The following CCDC77 variants were observed in gnomAD, a reference collection of about 807,000 sequenced individuals.
The protein encoded by CCDC77 is coiled-coil domain containing 77.
In CCDC77, 56 loss-of-function variants were observed where a neutral mutation model predicts 66.8. That is an observed-to-expected ratio of 0.84 (90% CI 0.68 to 1.05). The LOEUF is 1.05. CCDC77 is among the 50% of genes least tolerant of loss of function. The probability of loss-of-function intolerance (pLI) is 0.00; values close to 1 mark genes in which losing one functional copy is unlikely to be tolerated. For synonymous variants in CCDC77, 196 were observed against 195.2 expected, an observed-to-expected ratio of 1.00 and a Z score of -0.03; for missense variants, 570 against 576.8, an observed-to-expected ratio of 0.99 and a Z score of 0.12.
intron 5 of CCDC77, among the ~76,000 whole-genome samples, chr12:423,513 T>TTTTA (rs1945473924): frequency 8.4e-6 from 1 of 119,378 alleles, no homozygotes. Context: ...TTTTTTTTTT[T>TTTTA]GAGACAGGGT....
At chr12:425,698 CAT>C (rs560278198) in intron 5 of CCDC77, among the ~76,000 whole-genome samples, 227 of 152,260 alleles carry the variant, frequency 1.5e-3, no homozygotes, top group African/African-American at 5.2e-3. Flanking sequence ...AAACTTCACT[CAT>C]GTGCTTCGTA....
intron 6 of CCDC77, among the ~76,000 whole-genome samples, chr12:430,180 A>G (rs940409542): frequency 3.3e-5 from 5 of 149,746 alleles, no homozygotes; most frequent in African/African-American, 1.2e-4. Flanking sequence ...TTTTATAGAG[A>G]TGGGGTTTCT....
rs77158484 is a variant in CCDC77 at position 442,073 on chromosome 12, G to A, written c.*153G>A. 1 of 798,524 alleles carries A rather than the reference G, an allele frequency of 1.3e-6. No individual in the cohort carries two copies. The highest frequency in any genetic ancestry group is 1.8e-5 in the South Asian group (1 of 55,690). The allele number at this position is 798,524 out of a possible 1,614,324, so 49.5% of individuals were successfully genotyped here. On this transcript the variant is annotated 3_prime_UTR_variant, in exon 13 of 13. Transcript: ENST00000239830. Reference sequence around the variant, plus strand: ...CAGCTTGAAGAATCGGGGACCACTAGGAAAGCTTTTCTTGCATACTCAGCT... The same window carrying A: ...CAGCTTGAAGAATCGGGGACCACTAAGAAAGCTTTTCTTGCATACTCAGCT...
chr12:399,657 G>A (rs762605951), upstream of CCDC77, among the ~76,000 whole-genome samples: 23 of 152,102 alleles, frequency 1.5e-4, no homozygotes, highest in Non-Finnish European at 2.8e-4. Flanking sequence ...TTTTTTTCCT[G>A]AGCAGTAGGA....
chr12:405,664 G>A (rs978000196), intron 2 of CCDC77, 100 bp downstream of exon 2: 2 of 152,078 alleles, frequency 1.3e-5, no homozygotes, highest in African/African-American at 4.8e-5. Flanking sequence ...TGGGATGAGA[G>A]AAGCAGAAAC....
intron 3 of CCDC77, 144 bp downstream of exon 3, chr12:409,565 G>A (rs1406148531): frequency 2.8e-6 from 2 of 710,492 alleles, no homozygotes; most frequent in East Asian, 5.4e-5. Context: ...TGCCCAGGAT[G>A]GGGTGCAGTG....
chr12:412,083 A>C, intron 4 of CCDC77, 105 bp downstream of exon 4: 1 of 849,998 alleles, frequency 1.2e-6, no homozygotes, highest in Non-Finnish European at 1.8e-6. Context: ...TTATAAAAAT[A>C]CTCCTTTTTT....
At chr12:432,367 G>A (rs1033963942) in intron 8 of CCDC77, among the ~76,000 whole-genome samples, 5 of 152,084 alleles carry the variant, frequency 3.3e-5, no homozygotes, top group Non-Finnish European at 7.4e-5. Flanking sequence ...TCCTGGTTAT[G>A]TGTCATTTGG....
intron 4 of CCDC77, among the ~76,000 whole-genome samples, chr12:417,712 C>A (rs1945314024): frequency 6.6e-6 from 1 of 151,900 alleles, no homozygotes; most frequent in Non-Finnish European, 1.5e-5. Flanking sequence ...CTCAGGAGTT[C>A]AAGCCAGCCT....
chr12:391,945 C>T (rs1565558698), intron 1 of CCDC77, among the ~76,000 whole-genome samples: 1 of 152,176 alleles, frequency 6.6e-6, no homozygotes, highest in Non-Finnish European at 1.5e-5. Flanking sequence ...ATGCTTCCCT[C>T]AGGGGGGGCA....
chr12:434,896 T>A (rs1031620566), intron 9 of CCDC77, among the ~76,000 whole-genome samples: 1 of 152,248 alleles, frequency 6.6e-6, no homozygotes, highest in Non-Finnish European at 1.5e-5. Context: ...ATGTCAGATT[T>A]ACCATTACTG....
intron 4 of CCDC77, among the ~76,000 whole-genome samples, chr12:413,362 G>A (rs1339506095): frequency 4.6e-5 from 7 of 150,672 alleles, no homozygotes; most frequent in African/African-American, 7.3e-5. Flanking sequence ...TCAGCCTCCC[G>A]AGTAGCTGGG....
chr12:442,078 G>A lies in CCDC77; in HGVS notation c.*158G>A, dbSNP rs1339106676. 6 of 746,456 alleles carry A rather than the reference G, an allele frequency of 8.0e-6. No homozygotes were observed. Among genetic ancestry groups the A allele is most frequent in the Non-Finnish European group, 1.3e-5 (6 of 455,806 alleles). The allele number at this position is 746,456 out of a possible 1,614,324, so 46.2% of individuals were successfully genotyped here. On this transcript the variant is annotated 3_prime_UTR_variant, in exon 13 of 13. Transcript: ENST00000239830. ...TGAAGAATCGGGGACCACTAGGAAAGCTTTTCTTGCATACTCAGCTTGCTT... is the reference window on the plus strand; with the variant it reads ...TGAAGAATCGGGGACCACTAGGAAAACTTTTCTTGCATACTCAGCTTGCTT...
exon 1 of CCDC77, chr12:389,457 A>G (rs905576225): frequency 2.3e-6 from 1 of 436,666 alleles, no homozygotes; most frequent in Admixed American, 3.6e-5. Context: ...AGTTCTGCCC[A>G]GTCCAACGAC....
chr12:403,652 C>A (rs924405944), intron 1 of CCDC77, among the ~76,000 whole-genome samples: 3 of 152,162 alleles, frequency 2.0e-5, no homozygotes, highest in African/African-American at 4.8e-5. Flanking sequence ...GCCACCACTC[C>A]CAGCTAATTC....
chr12:404,320 AAAAT>A (rs1480285077), intron 1 of CCDC77, among the ~76,000 whole-genome samples: 8 of 152,244 alleles, frequency 5.3e-5, no homozygotes, highest in Admixed American at 2.6e-4. Flanking sequence ...TCTGTCTCAA[AAAAT>A]AAATAAATAA....
At chr12:416,363 GTGTGTGTGTGTGTGTATATATATATATA>G (rs1945269601) in intron 4 of CCDC77, among the ~76,000 whole-genome samples, 5 of 44,196 alleles carry the variant, frequency 1.1e-4, no homozygotes, top group Non-Finnish European at 1.6e-4. Flanking sequence ...GTGTGTGTGT[GTGTGTGTGTGTGTGTATATATATATATA>G]TATATATATA....
chr12:440,750 A>G lies in CCDC77; in HGVS notation c.1167+8A>G. 1 of 1,613,924 alleles carries G rather than the reference A, an allele frequency of 6.2e-7. No individual in the cohort carries two copies. The highest frequency in any genetic ancestry group is 1.3e-5 in the African/African-American group (1 of 75,060). ...AGGAGAGAGATCTTCAAGGTACGAA[A>G]TTATCTGCCACTTGTAATGGAATAG... On this transcript the variant is annotated splice_region_variant and intron_variant, in intron 11 of 12. Transcript: ENST00000239830.
At position 439,641 on chromosome 12, in the gene CCDC77, G is replaced by A. The variant is rs530189863; in HGVS notation, c.1042-976G>A. On this transcript the variant is annotated intron_variant, in intron 10 of 12. Transcript: ENST00000239830. ...CAAAAATATAAAAAAATAGCCAGGCGTGGTGGCGGACACCTGTAATCCCAG... is the reference window on the plus strand; with the variant it reads ...CAAAAATATAAAAAAATAGCCAGGCATGGTGGCGGACACCTGTAATCCCAG... Among the ~76,000 whole-genome samples the A allele has an allele frequency of 4.6e-5, 7 of 151,668 alleles. No individual in the cohort carries two copies. The East Asian group carries it at 9.7e-4, about 21-fold the overall frequency.
Sources: gnomAD v4.1 joint callset for allele counts (sites outside exome capture counted in the v4.1 genomes callset) on GRCh38, gnomAD v4.1.1 for gene constraint, MANE v1.5 for transcripts, NCBI Gene and HGNC (gene_info 2026-07-23, HGNC 2026-07-21) for gene names.